Variants in NBAS observed in about 807,000 individuals in gnomAD.
The protein encoded by NBAS is NAG/BC035112 fusion.
A neutral mutation model predicts 302.5 loss-of-function variants in NBAS; 219 were observed. The ratio of observed to expected loss-of-function variants is 0.72; its 90% CI spans 0.65 to 0.81. The LOEUF (loss-of-function observed/expected upper bound fraction) is 0.81. Among genes scored for constraint, NBAS ranks in the 30% least tolerant of loss-of-function variants. The pLI, the probability that NBAS is intolerant of heterozygous loss-of-function variation, is 0.00. For synonymous variants in NBAS, 1,118 were observed against 1,021.6 expected (o/e 1.09, Z -1.80); for missense variants, 2,932 against 2,841.6 (o/e 1.03, Z -0.72).
chr2:15,236,141 C>T (rs1391124671), intron 45 of NBAS, among the ~76,000 whole-genome samples: 3 of 152,090 alleles, frequency 2.0e-5, no homozygotes, highest in Non-Finnish European at 4.4e-5. Context: ...TATGGGCCAT[C>T]CATAGTCTGA....
chr2:14,884,457 C>T, the NBAS span, among the ~76,000 whole-genome samples: 1 of 152,036 alleles, frequency 6.6e-6, no homozygotes, highest in Non-Finnish European at 1.5e-5. Context: ...TGCTCACCCA[C>T]CTCAAAAACA....
At chr2:15,360,649 C>CTTTTTTTT (rs369254532) in intron 32 of NBAS, among the ~76,000 whole-genome samples, 1 of 123,260 alleles carries the variant, frequency 8.1e-6, no homozygotes, top group Non-Finnish European at 1.7e-5. Context: ...CATGACCAGC[C>CTTTTTTTT]TTTTTTTTTT....
At chr2:15,360,785 C>T (rs1449706292) in intron 32 of NBAS, among the ~76,000 whole-genome samples, 1 of 151,908 alleles carries the variant, frequency 6.6e-6, no homozygotes, top group Non-Finnish European at 1.5e-5. Context: ...TATTGTCCCA[C>T]TGGAAGGCCT....
chr2:15,269,343 A>C (rs191813776), intron 44 of NBAS, among the ~76,000 whole-genome samples: 46 of 152,288 alleles, frequency 3.0e-4, no homozygotes, highest in African/African-American at 1.1e-3. Context: ...ACTATTTAAA[A>C]ATTTTTATTT....
At chr2:15,241,922 A>G (rs1667883677) in intron 44 of NBAS, among the ~76,000 whole-genome samples, 1 of 151,880 alleles carries the variant, frequency 6.6e-6, no homozygotes, top group Non-Finnish European at 1.5e-5. Context: ...AGCCACACTG[A>G]CTCTTTGTCA....
intron 48 of NBAS, among the ~76,000 whole-genome samples, chr2:15,210,974 G>A (rs1422556549): frequency 6.6e-6 from 1 of 152,090 alleles, no homozygotes; most frequent in Non-Finnish European, 1.5e-5. Context: ...TCAGAAGCTG[G>A]GAAGGGTAGT....
chr2:15,507,348 T>A (rs1258006468), intron 10 of NBAS, among the ~76,000 whole-genome samples: 1 of 152,156 alleles, frequency 6.6e-6, no homozygotes, highest in Non-Finnish European at 1.5e-5. Flanking sequence ...GGATTTCTCG[T>A]GGAAATAGGA....
At chr2:14,825,819 G>A in the NBAS span, among the ~76,000 whole-genome samples, 3 of 152,142 alleles carry the variant, frequency 2.0e-5, no homozygotes, top group African/African-American at 7.2e-5. Flanking sequence ...CATAAATAAG[G>A]CAGGAACTAG....
At chr2:15,428,270 C>T (rs1677579546) in intron 21 of NBAS, among the ~76,000 whole-genome samples, 4 of 152,124 alleles carry the variant, frequency 2.6e-5, no homozygotes. Context: ...AATATGGTTA[C>T]TGACATGAGG....
the NBAS span, among the ~76,000 whole-genome samples, chr2:14,794,770 C>A: frequency 6.6e-6 from 1 of 152,170 alleles, no homozygotes; most frequent in Non-Finnish European, 1.5e-5. Context: ...CTCCTGAATT[C>A]CCCATTCCCA....
intron 25 of NBAS, among the ~76,000 whole-genome samples, chr2:15,413,481 G>C (rs1676779686): frequency 6.6e-6 from 1 of 152,212 alleles, no homozygotes; most frequent in Admixed American, 6.5e-5. Context: ...TCATAGCAGA[G>C]AGAATCTTAG....
intron 12 of NBAS, among the ~76,000 whole-genome samples, chr2:15,488,657 T>C (rs1399756223): frequency 1.3e-5 from 2 of 152,146 alleles, no homozygotes; most frequent in Non-Finnish European, 2.9e-5. Context: ...TAACAAACTC[T>C]TTTACAGATT....
rs1672568794 is a variant in NBAS at position 15,336,060 on chromosome 2, C to A, written c.4180-5295G>T. 2.6e-5 allele frequency among the ~76,000 whole-genome samples: 4 copies of A among 151,478 alleles called. No homozygotes were observed. The South Asian group carries it at 8.3e-4, about 32-fold the overall frequency. ...ACTGTGAGCTGTGATCATGCCACTG[C>A]CTTCCAGTCTGGATGACAGGGATCC... On this transcript the variant is annotated intron_variant, in intron 35 of 51. Transcript: ENST00000281513.
At chr2:15,479,569 T>A (rs1413260466) in intron 12 of NBAS, among the ~76,000 whole-genome samples, 2 of 152,202 alleles carry the variant, frequency 1.3e-5, no homozygotes, top group Non-Finnish European at 2.9e-5. Flanking sequence ...CAGCCTTGGA[T>A]ACATTTAAGG....
At position 15,435,107 on chromosome 2, in the gene NBAS, T is replaced by C. The variant is rs115330334; in HGVS notation, c.2340-7313A>G. On this transcript the variant is annotated intron_variant, in intron 21 of 51. Coordinates refer to ENST00000281513, the MANE Select transcript of NBAS (RefSeq NM_015909.4). ...TTTATCAATTACAAAACTACTGAAA[T>C]GTACCAAAATATTCATGAATTGTAT... Among the ~76,000 whole-genome samples, 652 of 152,270 alleles carry C rather than the reference T, an allele frequency of 4.3e-3. 6 individuals carry two copies. The highest frequency in any genetic ancestry group is 0.015 in the African/African-American group (620 of 41,538).
chr2:15,347,646 CA>C (rs1558258229), intron 35 of NBAS, among the ~76,000 whole-genome samples: 1 of 152,164 alleles, frequency 6.6e-6, no homozygotes, highest in Non-Finnish European at 1.5e-5. Flanking sequence ...ACCTTGTATA[CA>C]ATCCATTTCT....
chr2:15,108,223 C>T, the NBAS span, among the ~76,000 whole-genome samples: 4 of 152,058 alleles, frequency 2.6e-5, no homozygotes, highest in Non-Finnish European at 5.9e-5. Context: ...ATGGTATGTT[C>T]ATGTTTAATT....
intron 9 of NBAS, among the ~76,000 whole-genome samples, chr2:15,521,108 T>C (rs935729853): frequency 6.6e-6 from 1 of 152,240 alleles, no homozygotes; most frequent in East Asian, 1.9e-4. Context: ...TCTAGCAGTG[T>C]AGGAAATACT....
At chr2:15,192,092 T>C (rs901095825) in intron 48 of NBAS, among the ~76,000 whole-genome samples, 7 of 152,244 alleles carry the variant, frequency 4.6e-5, no homozygotes, top group Admixed American at 6.5e-5. Flanking sequence ...TCCATCTCCT[T>C]CACCCTGTTT....
Sources: gnomAD v4.1 joint callset for allele counts (sites outside exome capture counted in the v4.1 genomes callset) on GRCh38, gnomAD v4.1.1 for gene constraint, MANE v1.5 for transcripts, NCBI Gene and HGNC (gene_info 2026-07-23, HGNC 2026-07-21) for gene names.